SEC63: variants seen among roughly 807,000 people sequenced by gnomAD.
The protein encoded by SEC63 is SEC63 protein translocation regulator, also known as translocation protein SEC63 homolog.
Under a neutral mutation model 116.2 loss-of-function variants are expected in SEC63, and 56 were observed. The observed-to-expected ratio is 0.48, with a 90% CI of 0.39 to 0.60. SEC63 has a LOEUF of 0.60. Ranked by LOEUF, SEC63 falls within the 20% of genes least tolerant of loss-of-function variation. SEC63 has a pLI of 0.00. For missense variants in SEC63, 668 were observed against 900.0 expected, an observed-to-expected ratio of 0.74 and a Z score of 3.30; for synonymous variants, 273 against 294.6, an observed-to-expected ratio of 0.93 and a Z score of 0.75.
At chr6:107,919,821 CAA>C (rs558973753) in intron 4 of SEC63, among the ~76,000 whole-genome samples, 3 of 129,358 alleles carry the variant, frequency 2.3e-5, no homozygotes, top group Non-Finnish European at 1.7e-5. Context: ...GACTCCATCT[CAA>C]AAAAAAAAAA....
In SEC63 at chr6:107,883,159, G is replaced by A. The variant is rs763520849; in HGVS notation, c.1675-13C>T. On this transcript the variant is annotated splice_polypyrimidine_tract_variant and intron_variant, in intron 16 of 20. Coordinates refer to ENST00000369002, the MANE Select transcript of SEC63 (RefSeq NM_007214.5). ...TTACTGCAGCTTCCTAAAAGGGAAA[G>A]GCAAACACAAAGATTCTGCATATCT... 2 of 1,610,682 alleles carry A rather than the reference G, an allele frequency of 1.2e-6. No homozygotes were observed. Among genetic ancestry groups the A allele is most frequent in the Non-Finnish European group, 1.7e-6 (2 of 1,179,568 alleles).
intron 13 of SEC63, among the ~76,000 whole-genome samples, chr6:107,901,080 T>C (rs986548373): frequency 6.6e-6 from 1 of 152,220 alleles, no homozygotes; most frequent in Non-Finnish European, 1.5e-5. Flanking sequence ...CTGGAAGTCT[T>C]CATCATTCTT....
Position 107,947,531 on chromosome 6 carries a change from C to CCACTG in SEC63, c.124+10350_124+10354dup, listed in dbSNP as rs1004294543. 5.9e-5 allele frequency among the ~76,000 whole-genome samples: 9 copies of CCACTG among 152,150 alleles called. No homozygotes were observed. The Middle Eastern group carries it at 0.01, about 173-fold the overall frequency. On this transcript the variant is annotated intron_variant, in intron 1 of 20. Coordinates refer to ENST00000369002, the MANE Select transcript of SEC63 (RefSeq NM_007214.5). ...AGGTTGCAGTGGAGCAGTGATGGTG[C>CCACTG]CACTGCACTCCAACCTGGGTAACAA...
intron 16 of SEC63, among the ~76,000 whole-genome samples, chr6:107,885,148 T>G (rs1786499179): frequency 6.6e-6 from 1 of 152,018 alleles, no homozygotes; most frequent in African/African-American, 2.4e-5. Flanking sequence ...AGTATTACAC[T>G]GACAGTTCTA....
chr6:107,876,540 G>T, intron 19 of SEC63, 24 bp downstream of exon 19: 1 of 1,390,172 alleles, frequency 7.2e-7, no homozygotes, highest in Non-Finnish European at 1.0e-6. Context: ...GTTAAACACT[G>T]AAATCATGTT....
chr6:107,927,922 TG>T (rs1474173898), intron 2 of SEC63, among the ~76,000 whole-genome samples: 1 of 152,214 alleles, frequency 6.6e-6, no homozygotes, highest in Admixed American at 6.5e-5. Context: ...ATTGTTGTAT[TG>T]TTATTTTTAT....
chr6:107,900,640 C>T (rs1488810801), intron 13 of SEC63, among the ~76,000 whole-genome samples: 1 of 151,754 alleles, frequency 6.6e-6, no homozygotes, highest in Non-Finnish European at 1.5e-5. Flanking sequence ...AGAGTGAGAC[C>T]CTGTCTCAAA....
At chr6:107,935,614 C>CA (rs1562336630) in intron 1 of SEC63, among the ~76,000 whole-genome samples, 1 of 3,278 alleles carries the variant, frequency 3.1e-4, no homozygotes, top group South Asian at 0.013. Context: ...AGAGTCATCA[C>CA]ACTCCCTAAT....
intron 1 of SEC63, among the ~76,000 whole-genome samples, chr6:107,937,117 TACC>T (rs1293677949): frequency 9.6e-5 from 12 of 125,024 alleles, no homozygotes; most frequent in African/African-American, 3.1e-4. Flanking sequence ...AGTGTATATG[TACC>T]ACATTTTTTT....
intron 1 of SEC63, among the ~76,000 whole-genome samples, chr6:107,948,616 G>C (rs960872011): frequency 6.6e-6 from 1 of 152,034 alleles, no homozygotes; most frequent in South Asian, 2.1e-4. Context: ...TCCATGTTGG[G>C]GCTCAGTGAT....
intron 16 of SEC63, among the ~76,000 whole-genome samples, chr6:107,887,790 CA>C (rs1239059638): frequency 6.6e-6 from 1 of 152,048 alleles, no homozygotes; most frequent in Non-Finnish European, 1.5e-5. Flanking sequence ...GGAAGGAATC[CA>C]GTTCCTGCTT....
chr6:107,875,247 G>A (rs1786235555), intron 19 of SEC63, among the ~76,000 whole-genome samples: 1 of 152,152 alleles, frequency 6.6e-6, no homozygotes, highest in South Asian at 2.1e-4. Context: ...AATGGTTCAG[G>A]GGAAAATACA....
At position 107,935,392 on chromosome 6, in the gene SEC63, G is replaced by A. The variant is rs540789000; in HGVS notation, c.125-5878C>T. Among the ~76,000 whole-genome samples, 32 of 151,504 alleles carry A rather than the reference G, an allele frequency of 2.1e-4. No homozygotes were observed. The South Asian group carries it at 2.9e-3, about 14-fold the overall frequency. On this transcript the variant is annotated intron_variant, in intron 1 of 20. Transcript: ENST00000369002. ...AAGATTGGGAAATCGGATGGTTGCC[G>A]TGTCTGTGTAGAAAGAAGTAGACAT...
chr6:107,909,016 G>C lies in SEC63; in HGVS notation c.644C>G (p.Ser215Ter). 6.2e-7 allele frequency: 1 copy of C among 1,611,404 alleles called. No individual in the cohort carries two copies. The highest frequency in any genetic ancestry group is 8.5e-7 in the Non-Finnish European group (1 of 1,177,970). Residue 215 changes from serine (S) to a stop codon, truncating the protein, a stop_gained, in exon 8 of 21, where the codon TCA becomes TGA. Coordinates refer to ENST00000369002, the MANE Select transcript of SEC63 (RefSeq NM_007214.5). LOFTEE classifies it high-confidence loss of function. ...AATCTGGTCTCCACTATAGCGTATTGAGCGATACCACCAAGAGCCCTAAAA... is the reference window on the plus strand; with the variant it reads ...AATCTGGTCTCCACTATAGCGTATTCAGCGATACCACCAAGAGCCCTAAAA... ...PVVVGSWWYR[S>*]IRYSGDQILI...
chr6:107,910,445 G>C (rs1196291451), intron 7 of SEC63, among the ~76,000 whole-genome samples: 1 of 152,076 alleles, frequency 6.6e-6, no homozygotes, highest in Non-Finnish European at 1.5e-5. Context: ...TATACAGCAA[G>C]ACCTTGTCTC....
chr6:107,920,231 G>A (rs1787522239), intron 4 of SEC63, among the ~76,000 whole-genome samples: 1 of 151,952 alleles, frequency 6.6e-6, no homozygotes, highest in South Asian at 2.1e-4. Context: ...AGACCATCCT[G>A]GCTAACATGG....
chr6:107,926,736 A>G (rs185405078), intron 2 of SEC63, among the ~76,000 whole-genome samples: 1 of 152,284 alleles, frequency 6.6e-6, no homozygotes, highest in East Asian at 2.0e-4. Context: ...ATTGGAAACC[A>G]AAAAAGCAAG....
intron 1 of SEC63, among the ~76,000 whole-genome samples, chr6:107,953,500 C>T (rs1398378701): frequency 7.6e-5 from 11 of 143,916 alleles, no homozygotes; most frequent in African/African-American, 1.0e-4. Context: ...GCCCGGCCAG[C>T]CGCCCCGTCC....
chr6:107,896,667 G>C (rs905454070), intron 14 of SEC63, among the ~76,000 whole-genome samples: 1 of 152,126 alleles, frequency 6.6e-6, no homozygotes, highest in African/African-American at 2.4e-5. Context: ...AGGCTGACAA[G>C]GGGTTTTCCT....
Sources: allele counts gnomAD v4.1 joint callset (sites outside exome capture counted in the v4.1 genomes callset), GRCh38; gene constraint gnomAD v4.1.1; transcripts MANE v1.5; gene names NCBI Gene and HGNC (gene_info 2026-07-23, HGNC 2026-07-21).